The following ARMC3 variants were observed in gnomAD, a reference collection of about 807,000 sequenced individuals.
ARMC3 encodes the protein armadillo repeat containing 3.
A neutral mutation model predicts 90.3 loss-of-function variants in ARMC3; 74 were observed. The ratio of observed to expected loss-of-function variants is 0.82; its 90% confidence interval spans 0.68 to 0.99. The LOEUF (loss-of-function observed/expected upper bound fraction) is 0.99, where lower values mean the gene tolerates loss of function less well. Ranked by LOEUF, ARMC3 falls within the 50% of genes least tolerant of loss-of-function variation. The pLI is 0.00. For missense variants in ARMC3, 958 were observed against 1,042.8 expected (o/e 0.92, Z 1.12); for synonymous variants, 334 against 361.8 (o/e 0.92, Z 0.87).
At chr10:22,942,245 C>A (rs1235265630) in intron 2 of ARMC3, among the ~76,000 whole-genome samples, 1 of 152,306 alleles carries the variant, frequency 6.6e-6, no homozygotes, top group South Asian at 2.1e-4. Flanking sequence ...CAAGTTGTAT[C>A]TTTCACCACT....
chr10:22,989,393 A>T (rs534580747), intron 10 of ARMC3, among the ~76,000 whole-genome samples: 128 of 152,320 alleles, frequency 8.4e-4, no homozygotes, highest in Non-Finnish European at 1.8e-3. Flanking sequence ...GATAGGATAA[A>T]TGTAATACTC....
intron 2 of ARMC3, among the ~76,000 whole-genome samples, chr10:22,938,147 C>A (rs1265112341): frequency 6.6e-6 from 1 of 152,102 alleles, no homozygotes; most frequent in Non-Finnish European, 1.5e-5. Flanking sequence ...GGGATCTCAA[C>A]CAAAACACAC....
chr10:22,992,427 G>A (rs1167779250), intron 10 of ARMC3, among the ~76,000 whole-genome samples: 1 of 152,034 alleles, frequency 6.6e-6, no homozygotes, highest in Non-Finnish European at 1.5e-5. Flanking sequence ...CATTTTGCGG[G>A]GGGCATTTTT....
At chr10:23,012,054 A>T (rs565833787) in intron 16 of ARMC3, among the ~76,000 whole-genome samples, 2 of 152,296 alleles carry the variant, frequency 1.3e-5, no homozygotes, top group East Asian at 3.9e-4. Context: ...ACGAATGAAC[A>T]CATCAGCTTT....
rs1410234055 is a variant in ARMC3, at chr10:23,008,835, G to C, written c.1949G>C (p.Ser650Thr). The C allele has an allele frequency of 6.2e-7, 1 of 1,612,790 alleles. No individual in the cohort carries two copies. The highest frequency in any genetic ancestry group is 1.3e-5 in the African/African-American group (1 of 74,832). ...ACAAGAAAAAATAGTTATCATTTTA[G>C]TGCTGGATTTGGATCTCCCATAGAA... ...EKNKKNSYHFSAGFGSPIEDK... is the reference protein window; with the variant it reads ...EKNKKNSYHFTAGFGSPIEDK... The change falls in exon 16 of 19, where the codon AGT (serine) becomes ACT (threonine). Residue 650 changes from serine (S) to threonine (T), a missense_variant. Coordinates refer to ENST00000298032, the MANE Select transcript of ARMC3 (RefSeq NM_173081.5).
intron 10 of ARMC3, among the ~76,000 whole-genome samples, chr10:22,996,404 T>C (rs1348295104): frequency 6.6e-6 from 1 of 152,150 alleles, no homozygotes. Context: ...ATAGGGCCTT[T>C]GGATATTTTT....
In ARMC3 at chr10:22,981,475, AT is replaced by A. The variant is rs900125646; in HGVS notation, c.1058del (p.Phe353SerfsTer9). On this transcript the variant is annotated frameshift_variant, in exon 9 of 19. Coordinates refer to ENST00000298032, the MANE Select transcript of ARMC3 (RefSeq NM_173081.5). LOFTEE classifies it high-confidence loss of function. The part of the protein sequence containing the change: ...SAMCENSGSK[D>X]FFNNQGIPQL... ...ATGTGTGAGAATTCAGGCAGCAAAG[AT>A]TTTTTCAATAATCAGGGTAAGTCAA... The A allele has an allele frequency of 6.2e-7, 1 of 1,613,774 alleles. No individual in the cohort carries two copies.
intron 10 of ARMC3, among the ~76,000 whole-genome samples, chr10:22,982,491 A>AT (rs1353320393): frequency 6.6e-6 from 1 of 152,238 alleles, no homozygotes; most frequent in Admixed American, 6.5e-5. Flanking sequence ...ATTTATACTC[A>AT]TTTTAAAAAT....
At chr10:22,929,148 C>A (rs968304764) in intron 1 of ARMC3, among the ~76,000 whole-genome samples, 1 of 151,670 alleles carries the variant, frequency 6.6e-6, no homozygotes, top group Non-Finnish European at 1.5e-5. Context: ...ATCTCTTAAA[C>A]CTGGGAGGTG....
At chr10:23,026,880 C>T (rs1838735886) in intron 16 of ARMC3, among the ~76,000 whole-genome samples, 1 of 152,146 alleles carries the variant, frequency 6.6e-6, no homozygotes, top group Non-Finnish European at 1.5e-5. Context: ...GACCATCCTT[C>T]TTCCATTGAA....
At chr10:23,031,838 T>G (rs1838933939) in intron 17 of ARMC3, among the ~76,000 whole-genome samples, 1 of 152,296 alleles carries the variant, frequency 6.6e-6, no homozygotes, top group South Asian at 2.1e-4. Context: ...ACCCCTGGCT[T>G]GGTGGAACTG....
chr10:23,014,731 A>C (rs1177696889), intron 16 of ARMC3, among the ~76,000 whole-genome samples: 1 of 152,132 alleles, frequency 6.6e-6, no homozygotes, highest in Non-Finnish European at 1.5e-5. Context: ...GTTCTCACTT[A>C]TAAGTGGGAG....
chr10:22,984,459 C>T (rs1836320438), intron 10 of ARMC3, among the ~76,000 whole-genome samples: 1 of 151,836 alleles, frequency 6.6e-6, no homozygotes, highest in African/African-American at 2.4e-5. Context: ...CTAACAAATG[C>T]TTTTTTTAAT....
At chr10:22,936,863 T>G (rs552320693) in intron 2 of ARMC3, among the ~76,000 whole-genome samples, 1 of 152,294 alleles carries the variant, frequency 6.6e-6, no homozygotes, top group East Asian at 1.9e-4. Flanking sequence ...TTGCAACTCT[T>G]ACAGTCTCAA....
chr10:22,985,831 T>C (rs147569093), intron 10 of ARMC3, among the ~76,000 whole-genome samples: 3 of 152,312 alleles, frequency 2.0e-5, no homozygotes, highest in Non-Finnish European at 4.4e-5. Flanking sequence ...TATTTTGCCT[T>C]AGGTCATTGT....
intron 13 of ARMC3, among the ~76,000 whole-genome samples, chr10:23,004,870 T>G (rs1290296559): frequency 1.3e-5 from 2 of 152,048 alleles, no homozygotes; most frequent in South Asian, 2.1e-4. Flanking sequence ...TCTCCTTCAA[T>G]TATGATAATT....
chr10:22,975,376 G>A (rs1835875720), intron 8 of ARMC3, among the ~76,000 whole-genome samples: 1 of 152,110 alleles, frequency 6.6e-6, no homozygotes, highest in Non-Finnish European at 1.5e-5. Flanking sequence ...CCAACATGGT[G>A]AAACCGTGAA....
rs552233648 is a variant in ARMC3, at chr10:22,961,678, A to G, written c.538-206A>G. 6 of 505,576 alleles carry G rather than the reference A, an allele frequency of 1.2e-5. No homozygotes were observed. The East Asian group carries it at 1.7e-4, about 15-fold the overall frequency. The allele number at this position is 505,576 out of a possible 1,614,324, so 31.3% of individuals were successfully genotyped here. A position where few individuals can be genotyped will look rare whatever the true frequency, so the allele number is the denominator to read the frequency against. ...ATAGATCATGTATATTTTCTGTTGTAGACAATGTCTACATATTACAGTTAA... is the reference window on the plus strand; with the variant it reads ...ATAGATCATGTATATTTTCTGTTGTGGACAATGTCTACATATTACAGTTAA... On this transcript the variant is annotated intron_variant, in intron 6 of 18. Coordinates refer to ENST00000298032, the MANE Select transcript of ARMC3 (RefSeq NM_173081.5).
chr10:23,029,411 T>C (rs1463144001), intron 16 of ARMC3, among the ~76,000 whole-genome samples: 2 of 152,190 alleles, frequency 1.3e-5, no homozygotes, highest in South Asian at 2.1e-4. Flanking sequence ...CTTTTGTGAC[T>C]GTATTCAATG....
Sources: gnomAD v4.1 joint callset for allele counts (sites outside exome capture counted in the v4.1 genomes callset) on GRCh38, gnomAD v4.1.1 for gene constraint, MANE v1.5 for transcripts, NCBI Gene and HGNC (gene_info 2026-07-23, HGNC 2026-07-21) for gene names.